The following MAN1C1 variants were observed in gnomAD, a reference collection of about 807,000 sequenced individuals.
MAN1C1 encodes mannosidase alpha class 1C member 1, also known as mannosyl-oligosaccharide 1,2-alpha-mannosidase IC.
MAN1C1 carries 49 observed loss-of-function variants against 71.5 expected under a neutral mutation model. The observed-to-expected ratio is 0.69, with a 90% CI of 0.54 to 0.87. MAN1C1 has a LOEUF of 0.87. Among genes scored for constraint, MAN1C1 ranks in the 40% least tolerant of loss-of-function variants. The pLI is 0.00. For missense variants in MAN1C1, 743 were observed against 835.0 expected, an observed-to-expected ratio of 0.89 and a Z score of 1.36; for synonymous variants, 352 against 343.7, an observed-to-expected ratio of 1.02 and a Z score of -0.27.
At position 25,617,548 on chromosome 1, in the gene MAN1C1, C is replaced by T. The variant is rs1441511892; in HGVS notation, c.-250C>T. ...CGCGGCCGGTCGCTGCGGGCCCGGG[C>T]CCCAAGCCGTGCCGCTCCGCTCGCC... On this transcript the variant is annotated 5_prime_UTR_variant, in exon 1 of 12. Coordinates refer to ENST00000374332, the MANE Select transcript of MAN1C1 (RefSeq NM_020379.4). The surrounding 1 kb of genome is among the most constrained non-coding windows in gnomAD (Gnocchi z 5.1). 5.0e-6 allele frequency: 1 copy of T among 199,582 alleles called. No homozygotes were observed. The highest frequency in any genetic ancestry group is 9.9e-6 in the Non-Finnish European group (1 of 100,730). 12.4% of individuals were successfully genotyped at this position (199,582 alleles called of 1,614,324 possible). A position where few individuals can be genotyped will look rare whatever the true frequency, so the allele number is the denominator to read the frequency against.
rs1358874164 is a variant in MAN1C1, at chr1:25,711,754, T to A, written c.637+25218T>A. Reference sequence around the variant, plus strand: ...TGCGCAGCCCAGGCCACTGCTTGTCTTGGTGGGAGGAAGTGATCAGTCTTT... The same window carrying A: ...TGCGCAGCCCAGGCCACTGCTTGTCATGGTGGGAGGAAGTGATCAGTCTTT... On this transcript the variant is annotated intron_variant, in intron 2 of 11. Coordinates refer to ENST00000374332, the MANE Select transcript of MAN1C1 (RefSeq NM_020379.4). This position sits in a 1 kb window ranked among gnomAD's most constrained non-coding sequence, Gnocchi z 4.3. 6.6e-6 allele frequency among the ~76,000 whole-genome samples: 1 copy of A among 151,538 alleles called. No homozygotes were observed. Among genetic ancestry groups the A allele is most frequent in the Non-Finnish European group, 1.5e-5 (1 of 67,906 alleles).
At chr1:25,751,566 C>A (rs2047216646) in intron 4 of MAN1C1, among the ~76,000 whole-genome samples, 1 of 152,198 alleles carries the variant, frequency 6.6e-6, no homozygotes, top group Non-Finnish European at 1.5e-5. Flanking sequence ...TGGCCAGAAC[C>A]CCTGGGCAGG....
chr1:25,670,866 C>CA (rs959754248), intron 1 of MAN1C1, among the ~76,000 whole-genome samples: 5 of 152,114 alleles, frequency 3.3e-5, no homozygotes, highest in Admixed American at 2.0e-4. Flanking sequence ...CTCTTGCATC[C>CA]ATTGCCTGCC....
intron 1 of MAN1C1, among the ~76,000 whole-genome samples, chr1:25,669,841 C>T (rs2045971294): frequency 6.6e-6 from 1 of 152,182 alleles, no homozygotes; most frequent in African/African-American, 2.4e-5. Context: ...TAACTGAAAT[C>T]CTTTCACAGG....
chr1:25,678,175 T>C (rs1191195727), intron 1 of MAN1C1, among the ~76,000 whole-genome samples: 1 of 152,218 alleles, frequency 6.6e-6, no homozygotes, highest in Non-Finnish European at 1.5e-5. Flanking sequence ...TTTCATACTA[T>C]GTAATTTTGT....
At chr1:25,643,219 C>T (rs558755763) in intron 1 of MAN1C1, among the ~76,000 whole-genome samples, 1 of 148,346 alleles carries the variant, frequency 6.7e-6, no homozygotes, top group South Asian at 2.1e-4. Context: ...AGTCCTTAGT[C>T]CTACCTCCCT....
At chr1:25,632,064 T>C (rs1572106643) in intron 1 of MAN1C1, among the ~76,000 whole-genome samples, 1 of 152,224 alleles carries the variant, frequency 6.6e-6, no homozygotes, top group South Asian at 2.1e-4. Flanking sequence ...AGATGCGGGC[T>C]GCCGTGTCCA....
At chr1:25,699,776 C>T (rs2046414594) in intron 2 of MAN1C1, among the ~76,000 whole-genome samples, 1 of 152,224 alleles carries the variant, frequency 6.6e-6, no homozygotes, top group African/African-American at 2.4e-5. Flanking sequence ...GACAGAGGTG[C>T]TTCATGGGTC....
chr1:25,728,476 G>A (rs1483695143), intron 2 of MAN1C1, among the ~76,000 whole-genome samples: 1 of 152,202 alleles, frequency 6.6e-6, no homozygotes, highest in African/African-American at 2.4e-5. Flanking sequence ...GGTAATGCTG[G>A]CTGCTGTGAC....
At chr1:25,717,299 C>T (rs573508367) in intron 2 of MAN1C1, among the ~76,000 whole-genome samples, 1 of 151,962 alleles carries the variant, frequency 6.6e-6, no homozygotes, top group Non-Finnish European at 1.5e-5. Context: ...TCACTTGAGC[C>T]CAGCAGTTCA....
At chr1:25,749,497 G>A (rs557028527) in intron 4 of MAN1C1, among the ~76,000 whole-genome samples, 162 bp downstream of exon 4, 7 of 152,272 alleles carry the variant, frequency 4.6e-5, no homozygotes, top group Admixed American at 3.9e-4. Context: ...TTTTCCCTCC[G>A]ACCATCCCTC....
intron 1 of MAN1C1, among the ~76,000 whole-genome samples, chr1:25,656,820 C>A (rs1011769160): frequency 6.0e-5 from 9 of 148,794 alleles, no homozygotes; most frequent in African/African-American, 2.0e-4. Context: ...GATAGACCAA[C>A]CTTGCGTCTT....
Position 25,779,827 on chromosome 1 carries a change from C to G in MAN1C1, c.1478-1113C>G, listed in dbSNP as rs2047670397. Among the ~76,000 whole-genome samples the G allele has an allele frequency of 6.6e-6, 1 of 152,204 alleles. No homozygotes were observed. The highest frequency in any genetic ancestry group is 1.5e-5 in the Non-Finnish European group (1 of 68,032). ...AGTCCTGCAAACCTCTAACCCCTGC[C>G]TCTAAAGTAAAAGCAACCTAGGGCC... On this transcript the variant is annotated intron_variant, in intron 9 of 11. Transcript: ENST00000374332. This position sits in a 1 kb window ranked among gnomAD's most constrained non-coding sequence, Gnocchi z 4.6.
chr1:25,689,788 G>T (rs982752967), intron 2 of MAN1C1, among the ~76,000 whole-genome samples: 2 of 152,228 alleles, frequency 1.3e-5, no homozygotes, highest in Non-Finnish European at 2.9e-5. Context: ...GTGGCAGGTT[G>T]TGCCCATTCT....
Position 25,771,967 on chromosome 1 carries a change from T to C in MAN1C1, c.1257+195T>C, listed in dbSNP as rs994689788. The stretch of plus-strand genomic sequence containing the variant: ...TTTTACACCCTGCGACCCTCCCACA[T>C]GCTCTAAGACTGGGGCTTTGTTAGA... On this transcript the variant is annotated intron_variant, in intron 8 of 11. Transcript: ENST00000374332. 1.4e-4 allele frequency: 84 copies of C among 585,652 alleles called. 1 individual carries two copies. In the South Asian group the frequency reaches 1.6e-3, roughly 11 times the overall value. 36.3% of individuals were successfully genotyped at this position (585,652 alleles called of 1,614,324 possible). A position where few individuals can be genotyped will look rare whatever the true frequency, so the allele number is the denominator to read the frequency against.
At chr1:25,643,911 A>C (rs889573763) in intron 1 of MAN1C1, among the ~76,000 whole-genome samples, 1 of 152,170 alleles carries the variant, frequency 6.6e-6, no homozygotes, top group East Asian at 1.9e-4. Flanking sequence ...TTGGAAATCT[A>C]GTTGTCAAAC....
chr1:25,685,619 G>A (rs1331955697), intron 1 of MAN1C1, among the ~76,000 whole-genome samples: 2 of 152,234 alleles, frequency 1.3e-5, no homozygotes, highest in Non-Finnish European at 2.9e-5. Context: ...TGATGCAGCT[G>A]CCTTGCATAG....
intron 1 of MAN1C1, among the ~76,000 whole-genome samples, chr1:25,683,395 C>A (rs566381856): frequency 1.3e-5 from 2 of 152,224 alleles, no homozygotes; most frequent in Non-Finnish European, 2.9e-5. Flanking sequence ...CTTCCAGCCA[C>A]GTGTTAAGCT....
chr1:25,617,641 TC>T lies in MAN1C1; in HGVS notation c.-156del. 1 of 593,652 alleles carries T rather than the reference TC, an allele frequency of 1.7e-6. No individual in the cohort carries two copies. Among genetic ancestry groups the T allele is most frequent in the Non-Finnish European group, 2.8e-6 (1 of 357,802 alleles). 36.8% of individuals were successfully genotyped at this position (593,652 alleles called of 1,614,324 possible). On this transcript the variant is annotated 5_prime_UTR_variant, in exon 1 of 12. Coordinates refer to ENST00000374332, the MANE Select transcript of MAN1C1 (RefSeq NM_020379.4). The surrounding 1 kb of genome is among the most constrained non-coding windows in gnomAD (Gnocchi z 5.1). Reference sequence around the variant, plus strand: ...GGACTCGCTCCAAACTCCCTGAACTTCGGGGACAGTCCCCCGAAGCGGCGAA... The same window carrying T: ...GGACTCGCTCCAAACTCCCTGAACTTGGGGACAGTCCCCCGAAGCGGCGAA...
Sources: gnomAD v4.1 joint callset for allele counts (sites outside exome capture counted in the v4.1 genomes callset) on GRCh38, gnomAD v4.1.1 for gene constraint, Gnocchi (gnomAD v3.1) non-coding constraint, MANE v1.5 for transcripts, NCBI Gene and HGNC (gene_info 2026-07-23, HGNC 2026-07-21) for gene names.